TEAD1: variants seen among roughly 807,000 people sequenced by gnomAD.
TEAD1 encodes transcriptional enhancer factor TEF-1.
A neutral mutation model predicts 54.9 loss-of-function variants in TEAD1; 9 were observed. That is an observed-to-expected ratio of 0.16 (90% CI 0.10 to 0.29). The LOEUF (loss-of-function observed/expected upper bound fraction) is 0.29. Among genes scored for constraint, TEAD1 ranks in the 10% least tolerant of loss-of-function variants. The probability of loss-of-function intolerance (pLI) is 1.00; values close to 1 mark genes in which losing one functional copy is unlikely to be tolerated. For synonymous variants in TEAD1, 200 were observed against 187.8 expected (o/e 1.07, Z -0.53); for missense variants, 387 against 535.9 (o/e 0.72, Z 2.74).
chr11:12,903,810 C>T (rs1441116593), intron 10 of TEAD1, among the ~76,000 whole-genome samples: 3 of 151,626 alleles, frequency 2.0e-5, no homozygotes, highest in Admixed American at 2.0e-4. Context: ...AGACCCTGTT[C>T]CAAAAAAAAA....
At chr11:12,879,612 CTG>C (rs1947924960) in intron 5 of TEAD1, 94 bp from the exon 6 acceptor site, 1 of 1,524,982 alleles carries the variant, frequency 6.6e-7, no homozygotes, top group East Asian at 2.2e-5. Context: ...TTTTGTGGCT[CTG>C]TATTTTAGTC....
chr11:12,745,166 G>A (rs551965000), intron 2 of TEAD1, among the ~76,000 whole-genome samples: 1 of 152,324 alleles, frequency 6.6e-6, no homozygotes, highest in East Asian at 1.9e-4. Flanking sequence ...CGCTGAACAA[G>A]CAAAGAGAGC....
chr11:12,705,534 C>G (rs1943795769), intron 2 of TEAD1, among the ~76,000 whole-genome samples: 1 of 152,030 alleles, frequency 6.6e-6, no homozygotes, highest in Non-Finnish European at 1.5e-5. Context: ...TTATGCCAGG[C>G]AAACATGAGT....
chr11:12,700,280 T>G (rs1424866098), intron 2 of TEAD1, among the ~76,000 whole-genome samples: 1 of 152,090 alleles, frequency 6.6e-6, no homozygotes, highest in Non-Finnish European at 1.5e-5. Context: ...TTATAACTCT[T>G]AACAACTTTG....
intron 3 of TEAD1, among the ~76,000 whole-genome samples, chr11:12,839,640 G>C (rs1216466754): frequency 6.6e-6 from 1 of 152,220 alleles, no homozygotes; most frequent in Non-Finnish European, 1.5e-5. Flanking sequence ...GGTTGGGAAA[G>C]AAGTGATGCC....
In TEAD1 at chr11:12,943,541, T is replaced by A. The variant is rs1949179633; in HGVS notation, c.*6319T>A. On this transcript the variant is annotated 3_prime_UTR_variant, in exon 13 of 13. Coordinates refer to ENST00000527636, the MANE Select transcript of TEAD1 (RefSeq NM_021961.6). ...TTTTCCTCTGTGAATTTGCATTGAG[T>A]CACTCATGCTACACTACATCGCTTT... is the stretch of plus-strand genomic sequence containing the variant. 1.3e-5 allele frequency: 2 copies of A among 152,414 alleles called. No individual in the cohort carries two copies. The highest frequency in any genetic ancestry group is 4.8e-5 in the African/African-American group (2 of 41,466). 9.4% of individuals were successfully genotyped at this position (152,414 alleles called of 1,614,324 possible). A position where few individuals can be genotyped will look rare whatever the true frequency, so the allele number is the denominator to read the frequency against.
At chr11:12,764,470 A>G (rs1945161830) in intron 3 of TEAD1, 36 bp downstream of exon 3, 3 of 1,606,694 alleles carry the variant, frequency 1.9e-6, no homozygotes, top group Non-Finnish European at 2.6e-6. Context: ...AAATACTACA[A>G]CCTGCAGTTG....
chr11:12,755,280 G>A (rs1311693712), intron 2 of TEAD1, among the ~76,000 whole-genome samples: 1 of 152,092 alleles, frequency 6.6e-6, no homozygotes, highest in Non-Finnish European at 1.5e-5. Flanking sequence ...TATTTATCTT[G>A]TATGTTAATG....
rs141958486 is a variant in TEAD1, at chr11:12,892,902, C to T, written c.700-9038C>T. On this transcript the variant is annotated intron_variant, in intron 9 of 12. Transcript: ENST00000527636. ...CTGTAATTCAGGGCTTGGAAGTGAT[C>T]TCATGCCAGTAAGCCAGGTCACCAG... is the stretch of plus-strand genomic sequence containing the variant. 1.1e-4 allele frequency among the ~76,000 whole-genome samples: 17 copies of T among 152,280 alleles called. No homozygotes were observed. The East Asian group carries it at 3.3e-3, about 29-fold the overall frequency.
chr11:12,808,538 G>A (rs566331807), intron 3 of TEAD1, among the ~76,000 whole-genome samples: 36 of 152,190 alleles, frequency 2.4e-4, no homozygotes, highest in African/African-American at 8.7e-4. Flanking sequence ...TTTGCAGAGG[G>A]TCTCTGAGAA....
intron 2 of TEAD1, among the ~76,000 whole-genome samples, chr11:12,732,652 G>A (rs1441190356): frequency 2.0e-5 from 3 of 152,120 alleles, no homozygotes; most frequent in East Asian, 3.9e-4. Context: ...GATGCATTTC[G>A]ATGTCCTCCA....
chr11:12,726,005 A>G (rs1046793896), intron 2 of TEAD1, among the ~76,000 whole-genome samples: 2 of 152,232 alleles, frequency 1.3e-5, no homozygotes, highest in Admixed American at 6.5e-5. Flanking sequence ...CACGCGTCCA[A>G]CAAATATTTA....
chr11:12,837,662 T>TCTTC (rs1198564639), intron 3 of TEAD1, among the ~76,000 whole-genome samples: 19 of 113,762 alleles, frequency 1.7e-4, no homozygotes, highest in East Asian at 5.9e-4. Context: ...TTTCTCTCCT[T>TCTTC]CTTCTTCCTT....
At chr11:12,769,888 T>C (rs2133933374) in intron 3 of TEAD1, among the ~76,000 whole-genome samples, 1 of 152,252 alleles carries the variant, frequency 6.6e-6, no homozygotes, top group East Asian at 1.9e-4. Context: ...AATAAATGCT[T>C]ATGGGAGATG....
chr11:12,919,891 ATTAC>A (rs2134155199), intron 10 of TEAD1, among the ~76,000 whole-genome samples: 1 of 152,280 alleles, frequency 6.6e-6, no homozygotes, highest in East Asian at 1.9e-4. Context: ...TATCCATTAT[ATTAC>A]TTCTCCTTCA....
At chr11:12,779,360 G>C (rs1213765130) in intron 3 of TEAD1, among the ~76,000 whole-genome samples, 1 of 152,150 alleles carries the variant, frequency 6.6e-6, no homozygotes, top group Non-Finnish European at 1.5e-5. Flanking sequence ...TAGCCTATGG[G>C]AGTAAGTTCT....
chr11:12,710,734 G>A (rs1269987774), intron 2 of TEAD1, among the ~76,000 whole-genome samples: 1 of 152,158 alleles, frequency 6.6e-6, no homozygotes, highest in Non-Finnish European at 1.5e-5. Flanking sequence ...GCAAGAGAGA[G>A]AAATAGACAT....
chr11:12,888,055 G>C (rs1948126177), intron 9 of TEAD1, among the ~76,000 whole-genome samples: 1 of 152,220 alleles, frequency 6.6e-6, no homozygotes, highest in South Asian at 2.1e-4. Flanking sequence ...ATGTAGCCAG[G>C]TTCCATGCTA....
At chr11:12,694,869 A>G (rs1943546866) in intron 2 of TEAD1, among the ~76,000 whole-genome samples, 1 of 152,332 alleles carries the variant, frequency 6.6e-6, no homozygotes, top group Middle Eastern at 3.4e-3. Flanking sequence ...TAAAAATAGC[A>G]TGGGTAGACA....
Sources: allele counts gnomAD v4.1 joint callset (sites outside exome capture counted in the v4.1 genomes callset), GRCh38; gene constraint gnomAD v4.1.1; transcripts MANE v1.5; gene names NCBI Gene and HGNC (gene_info 2026-07-23, HGNC 2026-07-21).